SYNDIG1: variants seen among roughly 807,000 people sequenced by gnomAD.
SYNDIG1 encodes synapse differentiation inducing 1.
In SYNDIG1, 9 loss-of-function variants were observed where a neutral mutation model predicts 19.4. That is an observed-to-expected ratio of 0.46 (90% CI 0.28 to 0.81). The LOEUF is 0.81. SYNDIG1 is among the 30% of genes least tolerant of loss of function. SYNDIG1 has a pLI of 0.12. For missense variants in SYNDIG1, 311 were observed against 343.3 expected (o/e 0.91, Z 0.74); for synonymous variants, 141 against 145.9 (o/e 0.97, Z 0.24).
At chr20:24,470,976 G>A (rs148708923) in intron 1 of SYNDIG1, among the ~76,000 whole-genome samples, 1 of 152,146 alleles carries the variant, frequency 6.6e-6, no homozygotes, top group Non-Finnish European at 1.5e-5. Context: ...TCGAGGGGAG[G>A]GGGGCTGGGC....
At chr20:24,611,751 T>C (rs1202555617) in intron 3 of SYNDIG1, among the ~76,000 whole-genome samples, 5 of 152,216 alleles carry the variant, frequency 3.3e-5, no homozygotes, top group Admixed American at 3.3e-4. Flanking sequence ...TTATGCAGCA[T>C]GGCTCTGCTG....
intron 1 of SYNDIG1, among the ~76,000 whole-genome samples, chr20:24,524,277 T>C (rs982230741): frequency 3.0e-4 from 45 of 152,242 alleles, no homozygotes; most frequent in African/African-American, 1.0e-3. Flanking sequence ...CATAAATTCC[T>C]GGCTGCAGCT....
At chr20:24,487,294 T>C (rs2055994938) in intron 1 of SYNDIG1, among the ~76,000 whole-genome samples, 1 of 152,234 alleles carries the variant, frequency 6.6e-6, no homozygotes, top group Non-Finnish European at 1.5e-5. Flanking sequence ...TACCATCCTT[T>C]TATTTAAACA....
intron 3 of SYNDIG1, among the ~76,000 whole-genome samples, chr20:24,649,761 T>C (rs1407334162): frequency 6.6e-6 from 1 of 152,192 alleles, no homozygotes; most frequent in Admixed American, 6.5e-5. Flanking sequence ...GACTACATGG[T>C]TTCTGTGCCT....
At chr20:24,647,426 T>C (rs778921599) in intron 3 of SYNDIG1, among the ~76,000 whole-genome samples, 2 of 151,926 alleles carry the variant, frequency 1.3e-5, no homozygotes, top group Non-Finnish European at 2.9e-5. Flanking sequence ...TTCTTCTCAG[T>C]AGGAAAAGGA....
intron 3 of SYNDIG1, among the ~76,000 whole-genome samples, chr20:24,664,412 C>T (rs1315225072): frequency 6.6e-6 from 1 of 152,164 alleles, no homozygotes; most frequent in Non-Finnish European, 1.5e-5. Context: ...TGAGAACGAG[C>T]TAGGACATTC....
At chr20:24,652,924 C>T (rs569778609) in intron 3 of SYNDIG1, among the ~76,000 whole-genome samples, 6 of 152,306 alleles carry the variant, frequency 3.9e-5, no homozygotes. Flanking sequence ...CGCCCTGCAA[C>T]AGCTCCTCTG....
chr20:24,494,613 C>A lies in SYNDIG1; in HGVS notation c.-79+24860C>A, dbSNP rs541905819. Among the ~76,000 whole-genome samples the A allele has an allele frequency of 4.6e-5, 7 of 151,472 alleles. No individual in the cohort carries two copies. In the East Asian group the frequency reaches 1.4e-3, roughly 29 times the overall value. ...GAGGAACAGGATGCAGGGAACAGAC[C>A]CCCCCGGGAGAGGTGCATGTGGCCG... is the stretch of plus-strand genomic sequence containing the variant. On this transcript the variant is annotated intron_variant, in intron 1 of 3. Transcript: ENST00000376862.
chr20:24,615,490 G>T (rs1386562495), intron 3 of SYNDIG1, among the ~76,000 whole-genome samples: 1 of 152,222 alleles, frequency 6.6e-6, no homozygotes, highest in African/African-American at 2.4e-5. Context: ...CCTCTGTGAA[G>T]ACTGTAGGGC....
intron 3 of SYNDIG1, among the ~76,000 whole-genome samples, chr20:24,653,096 G>A (rs1166514772): frequency 6.6e-6 from 1 of 152,216 alleles, no homozygotes; most frequent in Non-Finnish European, 1.5e-5. Flanking sequence ...ACTTGAACAT[G>A]TGTGTTATGT....
At chr20:24,630,777 T>C (rs922889899) in intron 3 of SYNDIG1, among the ~76,000 whole-genome samples, 9 of 152,214 alleles carry the variant, frequency 5.9e-5, no homozygotes, top group African/African-American at 1.9e-4. Context: ...GAACCCTGCC[T>C]CTCTGCCATT....
chr20:24,521,355 T>A (rs1406324644), intron 1 of SYNDIG1, among the ~76,000 whole-genome samples: 1 of 152,144 alleles, frequency 6.6e-6, no homozygotes, highest in African/African-American at 2.4e-5. Context: ...TTGCCCAGGC[T>A]GGAGTACAGT....
chr20:24,502,585 C>T lies in SYNDIG1; in HGVS notation c.-79+32832C>T, dbSNP rs184963047. Among the ~76,000 whole-genome samples the T allele has an allele frequency of 4.1e-3, 632 of 152,350 alleles. 1 individual carries two copies. Among genetic ancestry groups the T allele is most frequent in the Middle Eastern group, 0.027 (8 of 294 alleles). On this transcript the variant is annotated intron_variant, in intron 1 of 3. Coordinates refer to ENST00000376862, the MANE Select transcript of SYNDIG1 (RefSeq NM_024893.3). ...TGGGAAAGAATGACTTTGAAACAAT[C>T]ATTTATTTGACCCTGGCAGCTATTT...
intron 1 of SYNDIG1, among the ~76,000 whole-genome samples, chr20:24,518,223 G>T (rs959449895): frequency 2.0e-5 from 3 of 152,080 alleles, no homozygotes; most frequent in African/African-American, 4.8e-5. Flanking sequence ...TTCAGTAGGA[G>T]GAGAAGGTTC....
intron 1 of SYNDIG1, among the ~76,000 whole-genome samples, chr20:24,531,773 G>A (rs374667511): frequency 1.8e-4 from 27 of 152,362 alleles, no homozygotes; most frequent in Admixed American, 1.2e-3. Flanking sequence ...TGTGTGCTAC[G>A]TGCAGGTGGA....
chr20:24,576,820 G>A (rs1451818396), intron 2 of SYNDIG1, among the ~76,000 whole-genome samples: 5 of 151,996 alleles, frequency 3.3e-5, no homozygotes, highest in African/African-American at 9.7e-5. Context: ...ATGGACGTCC[G>A]TAAGGATTCC....
At chr20:24,524,207 AT>A (rs1007808297) in intron 1 of SYNDIG1, among the ~76,000 whole-genome samples, 3 of 152,082 alleles carry the variant, frequency 2.0e-5, no homozygotes, top group African/African-American at 4.8e-5. Flanking sequence ...CATGGTTTTG[AT>A]GAAAGGTCCT....
intron 2 of SYNDIG1, among the ~76,000 whole-genome samples, chr20:24,544,461 G>C (rs2057535332): frequency 2.0e-5 from 3 of 152,208 alleles, no homozygotes; most frequent in Non-Finnish European, 4.4e-5. Flanking sequence ...GTGGCCAAAA[G>C]GGGAAGGGAT....
chr20:24,575,689 A>G (rs1358648727), intron 2 of SYNDIG1, among the ~76,000 whole-genome samples: 63 of 152,316 alleles, frequency 4.1e-4, no homozygotes, highest in African/African-American at 1.4e-3. Context: ...TTTCTTCTAA[A>G]AATACCTCCC....
Sources: allele counts gnomAD v4.1 joint callset (sites outside exome capture counted in the v4.1 genomes callset), GRCh38; gene constraint gnomAD v4.1.1; transcripts MANE v1.5; gene names NCBI Gene and HGNC (gene_info 2026-07-23, HGNC 2026-07-21).